SPECC1L: variants seen among roughly 807,000 people sequenced by gnomAD.
The protein encoded by SPECC1L is cytospin-A.
In SPECC1L, 40 loss-of-function variants were observed where a neutral mutation model predicts 116.8. The ratio of observed to expected loss-of-function variants is 0.34; its 90% CI spans 0.27 to 0.45. The LOEUF (loss-of-function observed/expected upper bound fraction) is 0.45, where lower values mean the gene tolerates loss of function less well. Among genes scored for constraint, SPECC1L ranks in the 20% least tolerant of loss-of-function variants. The probability of loss-of-function intolerance (pLI) is 1.00; values close to 1 mark genes in which losing one functional copy is unlikely to be tolerated. For missense variants in SPECC1L, 1,110 were observed against 1,373.6 expected, an observed-to-expected ratio of 0.81 and a Z score of 3.03; for synonymous variants, 504 against 500.6, an observed-to-expected ratio of 1.01 and a Z score of -0.09.
At chr22:24,331,783 A>G (rs144612706) in intron 8 of SPECC1L, among the ~76,000 whole-genome samples, 111 of 152,340 alleles carry the variant, frequency 7.3e-4, no homozygotes, top group African/African-American at 1.2e-3. Flanking sequence ...GGTCTTGGCA[A>G]TAAATTGCAC....
At chr22:24,374,435 TG>T (rs1258961028) in intron 14 of SPECC1L, among the ~76,000 whole-genome samples, 2 of 151,938 alleles carry the variant, frequency 1.3e-5, no homozygotes, top group African/African-American at 4.8e-5. Flanking sequence ...TGGAATACTA[TG>T]CAGCCATAAA....
At chr22:24,409,073 A>C (rs908593405) in intron 14 of SPECC1L, among the ~76,000 whole-genome samples, 3 of 152,210 alleles carry the variant, frequency 2.0e-5, no homozygotes, top group African/African-American at 7.2e-5. Flanking sequence ...TTAGGTCCTA[A>C]CAGTATATAA....
Position 24,347,067 on chromosome 22 carries a change from G to A in SPECC1L, c.2653-19G>A. The A allele has an allele frequency of 6.3e-7, 1 of 1,596,138 alleles. No homozygotes were observed. The highest frequency in any genetic ancestry group is 8.6e-7 in the Non-Finnish European group (1 of 1,163,854). ...AAACAGTCATTTTAACTTTGATGTTGTTTATCTTATGATTTCAGAGACATT... is the reference window on the plus strand; with the variant it reads ...AAACAGTCATTTTAACTTTGATGTTATTTATCTTATGATTTCAGAGACATT... On this transcript the variant is annotated intron_variant, in intron 10 of 16. Transcript: ENST00000314328.
At chr22:24,378,170 C>T (rs957453600) in intron 14 of SPECC1L, among the ~76,000 whole-genome samples, 11 of 152,222 alleles carry the variant, frequency 7.2e-5, no homozygotes, top group Admixed American at 4.6e-4. Context: ...TTGCTAGCTT[C>T]GCCTTGCACT....
intron 2 of SPECC1L, among the ~76,000 whole-genome samples, chr22:24,279,025 A>G (rs1019112507): frequency 1.3e-5 from 2 of 152,200 alleles, no homozygotes; most frequent in South Asian, 2.1e-4. Context: ...AGGTATATGT[A>G]TATGTGTTGA....
chr22:24,349,002 C>T (rs1569430203), intron 11 of SPECC1L, among the ~76,000 whole-genome samples: 1 of 151,926 alleles, frequency 6.6e-6, no homozygotes, highest in Non-Finnish European at 1.5e-5. Flanking sequence ...CTCTGTCAGG[C>T]TGCTTCTTCT....
At chr22:24,352,982 A>G (rs1162051169) in intron 11 of SPECC1L, among the ~76,000 whole-genome samples, 6 of 152,058 alleles carry the variant, frequency 3.9e-5, no homozygotes, top group Admixed American at 6.5e-5. Flanking sequence ...TATAATCACT[A>G]CCCTTCAGCA....
chr22:24,333,038 G>A (rs996809177), intron 8 of SPECC1L, among the ~76,000 whole-genome samples: 5 of 152,150 alleles, frequency 3.3e-5, no homozygotes, highest in African/African-American at 1.2e-4. Context: ...AGACCAGCCT[G>A]ACCAACGTGG....
Position 24,412,724 on chromosome 22 carries a change from C to T in SPECC1L, c.3264+17C>T. On this transcript the variant is annotated intron_variant, in intron 16 of 16. Coordinates refer to ENST00000314328, the MANE Select transcript of SPECC1L (RefSeq NM_015330.6). ...TCCACACTGGTGAGCCCTTGTCCCC[C>T]TGAGTCACTGGCAGGGCCCTCCTTC... The T allele has an allele frequency of 6.2e-7, 1 of 1,613,690 alleles. No homozygotes were observed. The highest frequency in any genetic ancestry group is 8.5e-7 in the Non-Finnish European group (1 of 1,179,742).
rs558237739 is a variant in SPECC1L at position 24,309,004 on chromosome 22, C to T, written c.154-4309C>T. Among the ~76,000 whole-genome samples the T allele has an allele frequency of 7.2e-5, 11 of 152,258 alleles. No individual in the cohort carries two copies. In the South Asian group the frequency reaches 8.3e-4, roughly 11 times the overall value. ...CTTTGAGCACTTCCTTCATTTCTGA[C>T]GTAGTAAGTTTTGTACCTTTTCGGT... On this transcript the variant is annotated intron_variant, in intron 3 of 16. Coordinates refer to ENST00000314328, the MANE Select transcript of SPECC1L (RefSeq NM_015330.6).
At chr22:24,331,828 G>A (rs571917744) in intron 8 of SPECC1L, among the ~76,000 whole-genome samples, 50 of 152,040 alleles carry the variant, frequency 3.3e-4, no homozygotes, top group African/African-American at 1.1e-3. Flanking sequence ...CCACATACTT[G>A]ATTTTTTTTT....
chr22:24,415,580 A>T lies in SPECC1L; in HGVS notation c.*957A>T, dbSNP rs1005936761. ...AGCAGGAAATAGGAGAAAAGTAAAC[A>T]ACTTTAGGGAGCCCAGGCAGTGTCA... On this transcript the variant is annotated 3_prime_UTR_variant, in exon 17 of 17. Coordinates refer to ENST00000314328, the MANE Select transcript of SPECC1L (RefSeq NM_015330.6). 2.0e-5 allele frequency: 3 copies of T among 152,596 alleles called. No homozygotes were observed. The highest frequency in any genetic ancestry group is 1.3e-4 in the Admixed American group (2 of 15,282). The allele number at this position is 152,596 out of a possible 1,614,324, so 9.5% of individuals were successfully genotyped here. A position where few individuals can be genotyped will look rare whatever the true frequency, so the allele number is the denominator to read the frequency against.
At chr22:24,272,027 G>A (rs187147123) in intron 1 of SPECC1L, among the ~76,000 whole-genome samples, 96 of 152,296 alleles carry the variant, frequency 6.3e-4, no homozygotes, top group Middle Eastern at 6.8e-3. Context: ...GGAGTGGAGG[G>A]GGACTGCAAT....
At chr22:24,289,622 C>T (rs913502928) in intron 2 of SPECC1L, among the ~76,000 whole-genome samples, 4 of 151,480 alleles carry the variant, frequency 2.6e-5, no homozygotes, top group African/African-American at 9.7e-5. Flanking sequence ...GTGAGCTTTT[C>T]GTTGGCCAAA....
intron 14 of SPECC1L, among the ~76,000 whole-genome samples, chr22:24,403,742 G>A (rs2042527513): frequency 1.3e-5 from 2 of 152,232 alleles, no homozygotes; most frequent in Admixed American, 1.3e-4. Context: ...TCTAGGCAAG[G>A]TCTGTGAAAT....
Position 24,343,014 on chromosome 22 carries a change from G to A in SPECC1L, c.2653-4072G>A, listed in dbSNP as rs150114932. ...TTGAAACCAGCCTGGACAACATGGCGAAACCCTGTCTCTACTAAAAATACA... is the reference window on the plus strand; with the variant it reads ...TTGAAACCAGCCTGGACAACATGGCAAAACCCTGTCTCTACTAAAAATACA... On this transcript the variant is annotated intron_variant, in intron 10 of 16. Transcript: ENST00000314328. 2.6e-3 allele frequency among the ~76,000 whole-genome samples: 401 copies of A among 152,028 alleles called. 6 individuals carry two copies. Among genetic ancestry groups the A allele is most frequent in the African/African-American group, 9.2e-3 (383 of 41,468 alleles).
chr22:24,335,273 G>T (rs1236593043), intron 9 of SPECC1L, among the ~76,000 whole-genome samples: 1 of 152,172 alleles, frequency 6.6e-6, no homozygotes, highest in East Asian at 1.9e-4. Flanking sequence ...ATGATAAAAA[G>T]ATCTTTTCTT....
chr22:24,346,331 T>C (rs1034007944), intron 10 of SPECC1L, among the ~76,000 whole-genome samples: 4 of 152,272 alleles, frequency 2.6e-5, no homozygotes, highest in South Asian at 2.1e-4. Flanking sequence ...GCTGCCTGCA[T>C]ATGCAGAAGT....
rs185046738 is a variant in SPECC1L, at chr22:24,400,157, G to A, written c.3088-11431G>A. ...CGGTAGCATTAAGTGCATTTGCAAT[G>A]TGTATTCATCACCACTACCTAGTTC... On this transcript the variant is annotated intron_variant, in intron 14 of 16. Coordinates refer to ENST00000314328, the MANE Select transcript of SPECC1L (RefSeq NM_015330.6). Among the ~76,000 whole-genome samples, 23 of 152,312 alleles carry A rather than the reference G, an allele frequency of 1.5e-4. 1 individual carries two copies. The highest frequency in any genetic ancestry group is 1.2e-3 in the Admixed American group (18 of 15,296).
Sources: allele counts gnomAD v4.1 joint callset (sites outside exome capture counted in the v4.1 genomes callset), GRCh38; gene constraint gnomAD v4.1.1; transcripts MANE v1.5; gene names NCBI Gene and HGNC (gene_info 2026-07-23, HGNC 2026-07-21).